FAM107B: variants seen among roughly 807,000 people sequenced by gnomAD.
FAM107B encodes the protein protein FAM107B.
In FAM107B, 21 loss-of-function variants were observed where a neutral mutation model predicts 31.5. The ratio of observed to expected loss-of-function variants is 0.67; its 90% CI spans 0.47 to 0.96. The LOEUF (loss-of-function observed/expected upper bound fraction) is 0.96, where lower values mean the gene tolerates loss of function less well. FAM107B is among the 40% of genes least tolerant of loss of function. The pLI is 0.00. For missense variants in FAM107B, 452 were observed against 377.1 expected (o/e 1.20, Z -1.64); for synonymous variants, 157 against 141.5 (o/e 1.11, Z -0.78).
intron 1 of FAM107B, among the ~76,000 whole-genome samples, chr10:14,749,933 C>G (rs1832794751): frequency 6.6e-6 from 1 of 152,140 alleles, no homozygotes; most frequent in African/African-American, 2.4e-5. Context: ...AGGTCTAATC[C>G]CACCTGGGAA....
intron 2 of FAM107B, among the ~76,000 whole-genome samples, chr10:14,639,683 A>AAAAC (rs1178647024): frequency 3.4e-4 from 51 of 152,106 alleles, no homozygotes; most frequent in Non-Finnish European, 5.3e-4. Context: ...TGTCCAGCTT[A>AAAAC]AAACACCTCT....
intron 1 of FAM107B, among the ~76,000 whole-genome samples, chr10:14,727,255 C>G (rs1292143525): frequency 6.6e-6 from 1 of 152,186 alleles, no homozygotes; most frequent in African/African-American, 2.4e-5. Context: ...AGACCAGTAC[C>G]AGTACATGGC....
chr10:14,606,390 T>C (rs759279008), intron 2 of FAM107B, among the ~76,000 whole-genome samples: 8 of 152,202 alleles, frequency 5.3e-5, no homozygotes, highest in African/African-American at 9.6e-5. Flanking sequence ...TATTGCACTG[T>C]ATCGTAAATA....
Position 14,572,736 on chromosome 10 carries a change from A to ATTTT in FAM107B, c.470-42222_470-42221insAAAA, listed in dbSNP as rs1455058375. Reference sequence around the variant, plus strand: ...CCCCATCTCTTCAAAAAAAAAAAAAAATTTATATATATATATATATATATT... The same window carrying ATTTT: ...CCCCATCTCTTCAAAAAAAAAAAAAATTTTATTTATATATATATATATATATATT... On this transcript the variant is annotated intron_variant, in intron 2 of 4. Transcript: ENST00000181796. 1.1e-3 allele frequency among the ~76,000 whole-genome samples: 95 copies of ATTTT among 86,460 alleles called. 3 individuals carry two copies. Among genetic ancestry groups the ATTTT allele is most frequent in the South Asian group, 4.0e-3 (9 of 2,258 alleles). 56.7% of individuals were successfully genotyped at this position (86,460 alleles called of 152,430 possible). A position where few individuals can be genotyped will look rare whatever the true frequency, so the allele number is the denominator to read the frequency against.
At chr10:14,528,056 G>GA in intron 3 of FAM107B, 1 of 378,306 alleles carries the variant, frequency 2.6e-6, no homozygotes, top group Non-Finnish European at 5.1e-6. Flanking sequence ...AGAAAAGGGA[G>GA]AAAAAGCAAT....
intron 2 of FAM107B, among the ~76,000 whole-genome samples, chr10:14,617,002 G>C (rs930134912): frequency 7.2e-5 from 11 of 152,020 alleles, no homozygotes; most frequent in African/African-American, 2.7e-4. Context: ...GGGTGAATAA[G>C]AGAAGGATAA....
intron 2 of FAM107B, among the ~76,000 whole-genome samples, chr10:14,598,771 T>G (rs1031785187): frequency 6.6e-6 from 1 of 152,200 alleles, no homozygotes; most frequent in African/African-American, 2.4e-5. Flanking sequence ...CATAACAGCA[T>G]AAACACCCCT....
intron 1 of FAM107B, among the ~76,000 whole-genome samples, chr10:14,689,998 A>AAAGGAAGG (rs150130671): frequency 7.1e-4 from 91 of 127,456 alleles, no homozygotes; most frequent in Middle Eastern, 3.8e-3. Flanking sequence ...AAGAAAGACA[A>AAAGGAAGG]AAGGAAGGAA....
At chr10:14,565,435 T>C (rs1850582596) in intron 2 of FAM107B, among the ~76,000 whole-genome samples, 1 of 152,012 alleles carries the variant, frequency 6.6e-6, no homozygotes, top group Non-Finnish European at 1.5e-5. Flanking sequence ...AAGCCTGGGG[T>C]TAGCACACAG....
chr10:14,680,040 C>T (rs999972035), intron 1 of FAM107B, among the ~76,000 whole-genome samples: 1 of 152,156 alleles, frequency 6.6e-6, no homozygotes, highest in Non-Finnish European at 1.5e-5. Context: ...CCTTAATAAA[C>T]TCCCCTTTAT....
At chr10:14,573,428 A>AT (rs1851354561) in intron 2 of FAM107B, among the ~76,000 whole-genome samples, 1 of 152,060 alleles carries the variant, frequency 6.6e-6, no homozygotes, top group South Asian at 2.1e-4. Context: ...CTCCAGAACT[A>AT]TAAGAAACAC....
At position 14,684,001 on chromosome 10, in the gene FAM107B, C is replaced by T. The variant is rs189984240; in HGVS notation, c.412-16310G>A. Among the ~76,000 whole-genome samples, 22 of 152,332 alleles carry T rather than the reference C, an allele frequency of 1.4e-4. No homozygotes were observed. The East Asian group carries it at 2.7e-3, about 19-fold the overall frequency. On this transcript the variant is annotated intron_variant, in intron 1 of 4. Transcript: ENST00000181796. ...TATAGACTACCTGTCTTATAAACAA[C>T]AGCCATTTATTTCTTATAGCTCTAG... is the stretch of plus-strand genomic sequence containing the variant.
chr10:14,678,640 C>T (rs1283377512), intron 1 of FAM107B, among the ~76,000 whole-genome samples: 2 of 152,124 alleles, frequency 1.3e-5, no homozygotes, highest in East Asian at 3.8e-4. Flanking sequence ...CTCTGTTTGT[C>T]TCCCTTTTCT....
At chr10:14,668,264 C>T (rs1026422473) in intron 1 of FAM107B, among the ~76,000 whole-genome samples, 3 of 151,982 alleles carry the variant, frequency 2.0e-5, no homozygotes, top group Non-Finnish European at 2.9e-5. Flanking sequence ...AGCATGGTCT[C>T]GATCTCCTGA....
intron 2 of FAM107B, among the ~76,000 whole-genome samples, chr10:14,600,355 C>T (rs1211782717): frequency 6.6e-6 from 1 of 152,154 alleles, no homozygotes; most frequent in Non-Finnish European, 1.5e-5. Context: ...AACCCCACAG[C>T]CAAATTCCAG....
chr10:14,652,330 A>C (rs1240609006), intron 2 of FAM107B, among the ~76,000 whole-genome samples: 1 of 152,202 alleles, frequency 6.6e-6, no homozygotes, highest in Non-Finnish European at 1.5e-5. Context: ...TGATAAACTC[A>C]CTAAGTCAGA....
chr10:14,560,884 T>C (rs1484707014), intron 2 of FAM107B, among the ~76,000 whole-genome samples: 2 of 152,200 alleles, frequency 1.3e-5, no homozygotes, highest in African/African-American at 2.4e-5. Flanking sequence ...CATGTCCCTG[T>C]TTCTCCCCCT....
At chr10:14,612,334 A>G (rs1055629693) in intron 2 of FAM107B, among the ~76,000 whole-genome samples, 20 of 152,252 alleles carry the variant, frequency 1.3e-4, no homozygotes, top group African/African-American at 4.8e-4. Flanking sequence ...AAAAGTTGGA[A>G]CTTTATAAGG....
intron 2 of FAM107B, among the ~76,000 whole-genome samples, chr10:14,573,652 G>A (rs1851367883): frequency 6.6e-6 from 1 of 151,938 alleles, no homozygotes; most frequent in Admixed American, 6.6e-5. Flanking sequence ...GCAGAGGCAG[G>A]AGAATCACAT....
Sources: gnomAD v4.1 joint callset for allele counts (sites outside exome capture counted in the v4.1 genomes callset) on GRCh38, gnomAD v4.1.1 for gene constraint, MANE v1.5 for transcripts, NCBI Gene and HGNC (gene_info 2026-07-23, HGNC 2026-07-21) for gene names.